Variants in PCNX2 observed in about 807,000 individuals in gnomAD.
PCNX2 encodes pecanex 2.
A neutral mutation model predicts 223.8 loss-of-function variants in PCNX2; 168 were observed. The ratio of observed to expected loss-of-function variants is 0.75; its 90% CI spans 0.66 to 0.85. PCNX2 has a LOEUF of 0.85. PCNX2 is among the 40% of genes least tolerant of loss of function. The pLI is 0.00. For missense variants in PCNX2, 2,507 were observed against 2,675.5 expected (o/e 0.94, Z 1.39); for synonymous variants, 1,006 against 1,052.6 (o/e 0.96, Z 0.86).
chr1:233,058,009 T>C (rs1672254987), intron 23 of PCNX2: 14 of 985,180 alleles, frequency 1.4e-5, no homozygotes, highest in Non-Finnish European at 1.7e-5. Flanking sequence ...AAGAGTGGGG[T>C]ATACTCTTAT....
intron 21 of PCNX2, among the ~76,000 whole-genome samples, chr1:233,133,693 A>G (rs577010769): frequency 6.6e-6 from 1 of 152,262 alleles, no homozygotes; most frequent in East Asian, 1.9e-4. Context: ...CTATCTTTAC[A>G]AAAAGTTTTT....
intron 25 of PCNX2, among the ~76,000 whole-genome samples, chr1:233,042,950 C>A (rs1671695564): frequency 6.6e-6 from 1 of 152,142 alleles, no homozygotes; most frequent in African/African-American, 2.4e-5. Context: ...AAGGGGCAGT[C>A]CTGGTTAAGA....
chr1:233,000,214 T>A lies in PCNX2; in HGVS notation c.5328+91A>T. On this transcript the variant is annotated intron_variant, in intron 30 of 33. Coordinates refer to ENST00000258229, the MANE Select transcript of PCNX2 (RefSeq NM_014801.4). The surrounding 1 kb of genome is among the most constrained non-coding windows in gnomAD (Gnocchi z 4.6). Reference sequence around the variant, plus strand: ...GAGGATGCTGGCACAGAGACTCCTGTGTCAGTGCCCCCCTGCCCACCACCA... The same window carrying A: ...GAGGATGCTGGCACAGAGACTCCTGAGTCAGTGCCCCCCTGCCCACCACCA... 1 of 1,243,274 alleles carries A rather than the reference T, an allele frequency of 8.0e-7. No individual in the cohort carries two copies. The highest frequency in any genetic ancestry group is 1.2e-6 in the Non-Finnish European group (1 of 846,768). The allele number at this position is 1,243,274 out of a possible 1,614,324, so 77.0% of individuals were successfully genotyped here.
At chr1:233,025,525 G>C in intron 25 of PCNX2, 126 bp from the exon 26 acceptor site, 1 of 1,258,640 alleles carries the variant, frequency 7.9e-7, no homozygotes, top group Non-Finnish European at 1.1e-6. Context: ...CAGGAAATTT[G>C]TTTGTCCTCA....
chr1:233,305,414 A>G, the PCNX2 span, among the ~76,000 whole-genome samples: 15 of 152,148 alleles, frequency 9.9e-5, no homozygotes, highest in Admixed American at 8.5e-4. Flanking sequence ...TCTCTAGGGC[A>G]ATCACTAAAA....
At chr1:233,288,542 A>C (rs1661569947) in intron 1 of PCNX2, among the ~76,000 whole-genome samples, 1 of 152,368 alleles carries the variant, frequency 6.6e-6, no homozygotes, top group Admixed American at 6.5e-5. Flanking sequence ...AGACAAGGAT[A>C]AATGGGAGGA....
chr1:233,112,713 A>AGCCGAAT, intron 21 of PCNX2: 2 of 560,248 alleles, frequency 3.6e-6, no homozygotes, highest in Admixed American at 8.4e-5. Context: ...AGATCTTTGA[A>AGCCGAAT]CAATATAACT....
At chr1:232,997,478 C>G (rs1669915660) in intron 32 of PCNX2, among the ~76,000 whole-genome samples, 1 of 152,154 alleles carries the variant, frequency 6.6e-6, no homozygotes, top group South Asian at 2.1e-4. Context: ...TGAGGAAGAA[C>G]TGAGGCCAAA....
intron 13 of PCNX2, 69 bp from the exon 14 acceptor site, chr1:233,200,333 C>T: frequency 2.8e-6 from 3 of 1,064,816 alleles, no homozygotes; most frequent in South Asian, 1.5e-5. Flanking sequence ...TGCTGCAGTG[C>T]TGTCTCTCTC....
At chr1:233,070,041 C>A (rs187529131) in intron 23 of PCNX2, among the ~76,000 whole-genome samples, 1 of 152,030 alleles carries the variant, frequency 6.6e-6, no homozygotes, top group East Asian at 1.9e-4. Flanking sequence ...CACTACAGAC[C>A]CTGCCAGTAT....
chr1:233,202,313 T>C (rs975622318), intron 13 of PCNX2: 14 of 372,566 alleles, frequency 3.8e-5, no homozygotes. Flanking sequence ...TCTCACTTCT[T>C]CCTAACTTCT....
intron 17 of PCNX2, among the ~76,000 whole-genome samples, chr1:233,167,433 T>A (rs1398676370): frequency 6.6e-6 from 1 of 152,098 alleles, no homozygotes; most frequent in East Asian, 1.9e-4. Flanking sequence ...GGGATATGTG[T>A]GTTAGAAATT....
chr1:233,201,227 A>C (rs1681094800), intron 13 of PCNX2, among the ~76,000 whole-genome samples: 1 of 152,034 alleles, frequency 6.6e-6, no homozygotes, highest in Non-Finnish European at 1.5e-5. Flanking sequence ...ATCTATAATA[A>C]TAGGGGCTGT....
chr1:233,080,981 T>C (rs556500764), intron 23 of PCNX2, among the ~76,000 whole-genome samples: 1 of 152,288 alleles, frequency 6.6e-6, no homozygotes, highest in South Asian at 2.1e-4. Flanking sequence ...TGTGTGAAGT[T>C]ATTTAACACC....
chr1:233,279,290 C>T (rs904512225), intron 1 of PCNX2, among the ~76,000 whole-genome samples: 3 of 152,010 alleles, frequency 2.0e-5, no homozygotes, highest in Non-Finnish European at 4.4e-5. Context: ...ATGATCATAG[C>T]TCACTGCAGC....
intron 21 of PCNX2, chr1:233,112,709 T>TGGTCTC: frequency 8.8e-6 from 5 of 567,774 alleles, no homozygotes; most frequent in African/African-American, 2.8e-5. Context: ...GTGTAGATCT[T>TGGTCTC]TGAACAATAT....
chr1:233,251,855 T>G (rs543307993), intron 7 of PCNX2, among the ~76,000 whole-genome samples: 19 of 152,378 alleles, frequency 1.2e-4, no homozygotes, highest in Non-Finnish European at 2.1e-4. Context: ...TAATTCTCTA[T>G]GTATACTATT....
intron 26 of PCNX2, among the ~76,000 whole-genome samples, chr1:233,017,636 G>A (rs1207869803): frequency 6.6e-6 from 1 of 150,712 alleles, no homozygotes; most frequent in Non-Finnish European, 1.5e-5. Context: ...TCTCTTAAGG[G>A]TTATCTTCAA....
chr1:232,983,621 G>A lies in PCNX2; in HGVS notation c.*683C>T, dbSNP rs1371660835. 1 of 152,126 alleles carries A rather than the reference G, an allele frequency of 6.6e-6. No individual in the cohort carries two copies. The highest frequency in any genetic ancestry group is 6.5e-5 in the Admixed American group (1 of 15,270). 9.4% of individuals were successfully genotyped at this position (152,126 alleles called of 1,614,324 possible). On this transcript the variant is annotated 3_prime_UTR_variant, in exon 34 of 34. Coordinates refer to ENST00000258229, the MANE Select transcript of PCNX2 (RefSeq NM_014801.4). Reference sequence around the variant, plus strand: ...CGCGGTGGATTTCCATGCACCGAATGGACTCAGTTTCTAAACTCACATCCT... The same window carrying A: ...CGCGGTGGATTTCCATGCACCGAATAGACTCAGTTTCTAAACTCACATCCT...
Sources: allele counts gnomAD v4.1 joint callset (sites outside exome capture counted in the v4.1 genomes callset), GRCh38; gene constraint gnomAD v4.1.1; non-coding constraint Gnocchi (gnomAD v3.1); transcripts MANE v1.5; gene names NCBI Gene and HGNC (gene_info 2026-07-23, HGNC 2026-07-21).